Variants in TSBP1 observed in about 807,000 individuals in gnomAD.
TSBP1 encodes testis expressed basic protein 1, also known as testis-expressed basic protein 1.
TSBP1 carries 56 observed loss-of-function variants against 68.8 expected under a neutral mutation model. That is an observed-to-expected ratio of 0.81 (90% CI 0.66 to 1.02). The LOEUF (loss-of-function observed/expected upper bound fraction) is 1.02. TSBP1 is among the 50% of genes least tolerant of loss of function. The pLI is 0.00. For missense variants in TSBP1, 502 were observed against 641.2 expected (o/e 0.78, Z 2.34); for synonymous variants, 171 against 208.7 (o/e 0.82, Z 1.56).
chr6:32,371,863 G>T, exon 1 of TSBP1: 1 of 757,170 alleles, frequency 1.3e-6, no homozygotes, highest in East Asian at 2.6e-5. Flanking sequence ...GGATCACTGA[G>T]AAATTGTGTG....
At chr6:32,349,742 A>G (rs564417647) in exon 9 of TSBP1, 9 of 1,580,636 alleles carry the variant, frequency 5.7e-6, no homozygotes, top group Admixed American at 1.7e-5. Flanking sequence ...GAACTTACCA[A>G]TACTTGATCG....
intron 16 of TSBP1, among the ~76,000 whole-genome samples, chr6:32,326,615 A>ATAAT (rs1768245938): frequency 6.6e-6 from 1 of 152,258 alleles, no homozygotes; most frequent in African/African-American, 2.4e-5. Flanking sequence ...ACTGCTGGAG[A>ATAAT]TAATTGAGTT....
rs929496388 is a variant in TSBP1, at chr6:32,343,192, T to C, written c.350-3554A>G. The C allele has an allele frequency of 1.2e-5, 15 of 1,241,182 alleles. No homozygotes were observed. The East Asian group carries it at 3.7e-4, about 30-fold the overall frequency. 76.9% of individuals were successfully genotyped at this position (1,241,182 alleles called of 1,614,324 possible). On this transcript the variant is annotated intron_variant, in intron 9 of 22. Coordinates refer to ENST00000612031, the Ensembl canonical transcript of TSBP1. This position sits in a 1 kb window ranked among gnomAD's most constrained non-coding sequence, Gnocchi z 4.3. Reference sequence around the variant, plus strand: ...ACAGGGAGAAGTCCTCTGCCTAGCATAGGAGCCCAACAACACCAGAGTTTG... The same window carrying C: ...ACAGGGAGAAGTCCTCTGCCTAGCACAGGAGCCCAACAACACCAGAGTTTG...
intron 20 of TSBP1, 65 bp from the exon 24 acceptor site, chr6:32,300,765 C>T: frequency 7.5e-7 from 1 of 1,339,844 alleles, no homozygotes; most frequent in Non-Finnish European, 1.1e-6. Flanking sequence ...AGTCCCCAAA[C>T]CTCTGCATTG....
At chr6:32,319,702 A>C (rs1157390990) in intron 18 of TSBP1, among the ~76,000 whole-genome samples, 1 of 151,120 alleles carries the variant, frequency 6.6e-6, no homozygotes, top group Non-Finnish European at 1.5e-5. Context: ...TTAGTCTGTT[A>C]CTCTTCTTAT....
chr6:32,350,486 A>G (rs1771594167), intron 8 of TSBP1, among the ~76,000 whole-genome samples: 2 of 152,334 alleles, frequency 1.3e-5, no homozygotes, highest in South Asian at 4.1e-4. Context: ...TATATTCAAG[A>G]AAAATATATC....
rs1353317340 is a variant in TSBP1, at chr6:32,315,461, C to G, written c.580+311G>C. On this transcript the variant is annotated intron_variant, in intron 19 of 22. Transcript: ENST00000612031. This position sits in a 1 kb window ranked among gnomAD's most constrained non-coding sequence, Gnocchi z 5.4. ...CCTGTATTGCTAGCCACTTGGGAGG[C>G]TCAGGCAGGAGAATTGCTTGGACTC... 6.6e-6 allele frequency among the ~76,000 whole-genome samples: 1 copy of G among 152,124 alleles called. No individual in the cohort carries two copies. Among genetic ancestry groups the G allele is most frequent in the Non-Finnish European group, 1.5e-5 (1 of 68,032 alleles).
At chr6:32,301,582 G>T (rs9268157) in intron 20 of TSBP1, among the ~76,000 whole-genome samples, 103,537 of 151,190 alleles carry the variant, frequency 0.68, 35,623 homozygotes, top group South Asian at 0.82. Flanking sequence ...TAGCTGGGTA[G>T]GGTGGCAAGC....
At chr6:32,293,711 G>A (rs1764406420) in exon 23 of TSBP1, 1 of 1,612,804 alleles carries the variant, frequency 6.2e-7, no homozygotes. Flanking sequence ...CTTTATTTGG[G>A]CTCCCTGTCC....
Position 32,338,978 on chromosome 6 carries a change from C to A in TSBP1, c.409+1G>T, listed in dbSNP as rs753272616. Reference sequence around the variant, plus strand: ...AATTAAAGGGCAGAAAAAGAACTTACTCATGGCTCCTGCAGTTCTGGCTAA... The same window carrying A: ...AATTAAAGGGCAGAAAAAGAACTTAATCATGGCTCCTGCAGTTCTGGCTAA... On this transcript the variant is annotated splice_donor_variant, in intron 11 of 22. Transcript: ENST00000612031. LOFTEE classifies it high-confidence loss of function. The surrounding 1 kb of genome is among the most constrained non-coding windows in gnomAD (Gnocchi z 5.5). 2 of 1,611,058 alleles carry A rather than the reference C, an allele frequency of 1.2e-6. No homozygotes were observed. The highest frequency in any genetic ancestry group is 8.5e-7 in the Non-Finnish European group (1 of 1,178,256).
chr6:32,367,243 A>AGAGAGAGAGAGAGAGAGAG (rs1773845910), intron 4 of TSBP1, among the ~76,000 whole-genome samples: 1 of 130,662 alleles, frequency 7.7e-6, no homozygotes, highest in African/African-American at 3.0e-5. Flanking sequence ...GAGGGAAGGA[A>AGAGAGAGAGAGAGAGAGAG]AGAGAGAGAG....
At chr6:32,323,490 A>C (rs1179563481) in intron 17 of TSBP1, 101 bp downstream of exon 18, 1 of 1,059,226 alleles carries the variant, frequency 9.4e-7, no homozygotes, top group Non-Finnish European at 1.4e-6. Flanking sequence ...AGGTAGCTGC[A>C]CACAGAGTTA....
At chr6:32,322,627 T>G in intron 18 of TSBP1, 121 bp from the exon 20 acceptor site, 1 of 707,426 alleles carries the variant, frequency 1.4e-6, no homozygotes, top group Non-Finnish European at 2.6e-6. Context: ...GAAGGAGGTA[T>G]TCCAAACCAC....
chr6:32,358,740 G>C (rs1055841933), intron 6 of TSBP1, among the ~76,000 whole-genome samples: 1 of 151,846 alleles, frequency 6.6e-6, no homozygotes, highest in Non-Finnish European at 1.5e-5. Flanking sequence ...CAAAGGACAC[G>C]AACTCATCCT....
chr6:32,360,034 T>C (rs182584906), intron 6 of TSBP1, among the ~76,000 whole-genome samples: 46 of 152,308 alleles, frequency 3.0e-4, no homozygotes, highest in African/African-American at 1.1e-3. Context: ...CTTACTTCTA[T>C]TTTTCATTTT....
chr6:32,336,588 G>C lies in TSBP1; in HGVS notation c.430+27C>G, dbSNP rs1409148161. On this transcript the variant is annotated intron_variant, in intron 12 of 22. Coordinates refer to ENST00000612031, the Ensembl canonical transcript of TSBP1. This position sits in a 1 kb window ranked among gnomAD's most constrained non-coding sequence, Gnocchi z 5.2. ...TGTAGGTCAGATATCAAAGGGACCAGAGTGGAAAAACAAACTTGATACTTA... is the reference window on the plus strand; with the variant it reads ...TGTAGGTCAGATATCAAAGGGACCACAGTGGAAAAACAAACTTGATACTTA... 7 of 1,600,846 alleles carry C rather than the reference G, an allele frequency of 4.4e-6. No homozygotes were observed. In the Admixed American group the frequency reaches 1.0e-4, roughly 23 times the overall value.
chr6:32,329,267 T>C (rs539415310), intron 16 of TSBP1, among the ~76,000 whole-genome samples: 4 of 152,296 alleles, frequency 2.6e-5, no homozygotes, highest in South Asian at 4.1e-4. Flanking sequence ...GGAATTCATG[T>C]ATCCATGTAG....
rs117433404 is a variant in TSBP1 at position 32,321,718 on chromosome 6, C to T, written c.559+1399G>A. ...TCAAATACCAATGCCTTTGTCCTAACATTATTGAAATGAGTAAAATGTTAT... is the reference window on the plus strand; with the variant it reads ...TCAAATACCAATGCCTTTGTCCTAATATTATTGAAATGAGTAAAATGTTAT... On this transcript the variant is annotated intron_variant, in intron 18 of 22. Transcript: ENST00000612031. The surrounding 1 kb of genome is among the most constrained non-coding windows in gnomAD (Gnocchi z 4.3). 3.3e-3 allele frequency among the ~76,000 whole-genome samples: 500 copies of T among 152,282 alleles called. 16 individuals are homozygous for T. In the East Asian group the frequency reaches 0.069, roughly 21 times the overall value.
chr6:32,325,939 G>T lies in TSBP1; in HGVS notation c.515-2325C>A. On this transcript the variant is annotated intron_variant, in intron 16 of 22. Transcript: ENST00000612031. This position sits in a 1 kb window ranked among gnomAD's most constrained non-coding sequence, Gnocchi z 4.4. Reference sequence around the variant, plus strand: ...TGGTGGTGGATATGGTGGCAGTGAGGATGGCTATAATGGATTTGGTAATGA... The same window carrying T: ...TGGTGGTGGATATGGTGGCAGTGAGTATGGCTATAATGGATTTGGTAATGA... 1.3e-6 allele frequency: 2 copies of T among 1,561,652 alleles called. No individual in the cohort carries two copies. Among genetic ancestry groups the T allele is most frequent in the Non-Finnish European group, 1.7e-6 (2 of 1,147,122 alleles).
Sources: allele counts gnomAD v4.1 joint callset (sites outside exome capture counted in the v4.1 genomes callset), GRCh38; gene constraint gnomAD v4.1.1; non-coding constraint Gnocchi (gnomAD v3.1); transcripts MANE v1.5; gene names NCBI Gene and HGNC (gene_info 2026-07-23, HGNC 2026-07-21).